The following ZBTB44 variants were observed in gnomAD, a reference collection of about 807,000 sequenced individuals.
ZBTB44 encodes the protein zinc finger and BTB domain containing 44.
In ZBTB44, 15 loss-of-function variants were observed where a neutral mutation model predicts 54.0. The observed-to-expected ratio is 0.28, with a 90% CI of 0.19 to 0.43. The LOEUF is 0.43. ZBTB44 is among the 20% of genes least tolerant of loss of function. ZBTB44 has a pLI of 1.00. For missense variants in ZBTB44, 487 were observed against 707.1 expected (o/e 0.69, Z 3.53); for synonymous variants, 230 against 250.1 (o/e 0.92, Z 0.76).
chr11:130,232,187 C>G (rs977352844), intron 7 of ZBTB44: 1 of 152,040 alleles, frequency 6.6e-6, no homozygotes, highest in African/African-American at 2.4e-5. Flanking sequence ...AAAAATGAAA[C>G]AAATCACTAT....
chr11:130,283,491 G>A (rs113095603), intron 1 of ZBTB44, among the ~76,000 whole-genome samples: 10 of 152,148 alleles, frequency 6.6e-5, no homozygotes, highest in Admixed American at 2.0e-4. Context: ...AAAGCAAAGC[G>A]CACCAGACTT....
intron 2 of ZBTB44, among the ~76,000 whole-genome samples, chr11:130,241,673 T>C (rs1954368824): frequency 6.6e-6 from 1 of 152,186 alleles, no homozygotes; most frequent in South Asian, 2.1e-4. Flanking sequence ...CCCTTTCTAA[T>C]GGCTTCTTCT....
In ZBTB44 at chr11:130,260,631, G is replaced by C. The variant is rs17605292; in HGVS notation, c.1018+225C>G. The stretch of plus-strand genomic sequence containing the variant: ...ACTGCTTTTTTGTGTATGTGTATCT[G>C]CCTTTGTCCCAGCAGATACCATTCA... On this transcript the variant is annotated intron_variant, in intron 2 of 7. Transcript: ENST00000357899. 2.9e-3 allele frequency among the ~76,000 whole-genome samples: 446 copies of C among 152,230 alleles called. 2 individuals are homozygous for C. The highest frequency in any genetic ancestry group is 5.0e-3 in the Non-Finnish European group (337 of 68,018).
chr11:130,249,278 C>T (rs1591951499), intron 2 of ZBTB44, among the ~76,000 whole-genome samples: 1 of 152,136 alleles, frequency 6.6e-6, no homozygotes, highest in East Asian at 1.9e-4. Context: ...GTAGGCAGTT[C>T]GTTACTCAGA....
chr11:130,270,986 C>T (rs74813505), intron 1 of ZBTB44, among the ~76,000 whole-genome samples: 3 of 151,942 alleles, frequency 2.0e-5, no homozygotes, highest in Non-Finnish European at 4.4e-5. Flanking sequence ...TGTACGGGGA[C>T]GAAGGGCAGA....
At chr11:130,307,581 A>G (rs906088897) in intron 1 of ZBTB44, among the ~76,000 whole-genome samples, 19 of 152,134 alleles carry the variant, frequency 1.2e-4, no homozygotes, top group African/African-American at 4.3e-4. Flanking sequence ...ACCTATGAGA[A>G]AGGAAAATGA....
intron 1 of ZBTB44, among the ~76,000 whole-genome samples, chr11:130,309,034 G>A (rs1942433685): frequency 6.6e-6 from 1 of 152,170 alleles, no homozygotes; most frequent in Non-Finnish European, 1.5e-5. Flanking sequence ...CTTATCACCA[G>A]ACTCTCAGCT....
chr11:130,293,917 T>C (rs1175797367), intron 1 of ZBTB44, among the ~76,000 whole-genome samples: 1 of 152,230 alleles, frequency 6.6e-6, no homozygotes, highest in Non-Finnish European at 1.5e-5. Context: ...TTTGAAAAAG[T>C]AATGGAGAGT....
rs758528872 is a variant in ZBTB44 at position 130,236,208 on chromosome 11, T to A, written c.1568+585A>T. ...GAGCTAGATCTAGAAGCTGATTTCC[T>A]GGGATGCCCTATAAATCAGAAAGGT... is the stretch of plus-strand genomic sequence containing the variant. On this transcript the variant is annotated intron_variant, in intron 5 of 7. Coordinates refer to ENST00000357899, the MANE Select transcript of ZBTB44 (RefSeq NM_001301098.2). The A allele has an allele frequency of 1.9e-5, 25 of 1,284,926 alleles. No individual in the cohort carries two copies. In the South Asian group the frequency reaches 3.1e-4, roughly 16 times the overall value. The allele number at this position is 1,284,926 out of a possible 1,614,324, so 79.6% of individuals were successfully genotyped here. A position where few individuals can be genotyped will look rare whatever the true frequency, so the allele number is the denominator to read the frequency against.
chr11:130,259,595 C>T lies in ZBTB44; in HGVS notation c.1018+1261G>A, dbSNP rs570342199. Among the ~76,000 whole-genome samples, 35 of 152,268 alleles carry T rather than the reference C, an allele frequency of 2.3e-4. 1 individual carries two copies. The South Asian group carries it at 7.3e-3, about 32-fold the overall frequency. Reference sequence around the variant, plus strand: ...TAGATTGGATAAAGAAAATGTGGCACATGTACACCATGAAATACTATGCAG... The same window carrying T: ...TAGATTGGATAAAGAAAATGTGGCATATGTACACCATGAAATACTATGCAG... On this transcript the variant is annotated intron_variant, in intron 2 of 7. Transcript: ENST00000357899.
chr11:130,303,544 A>G (rs892982872), intron 1 of ZBTB44, among the ~76,000 whole-genome samples: 3 of 152,186 alleles, frequency 2.0e-5, no homozygotes, highest in Non-Finnish European at 4.4e-5. Context: ...CTGAGGCAGG[A>G]AAATTGCTTG....
intron 2 of ZBTB44, among the ~76,000 whole-genome samples, chr11:130,258,812 G>A (rs990781100): frequency 1.2e-4 from 19 of 152,126 alleles, no homozygotes; most frequent in African/African-American, 4.3e-4. Context: ...ACAAAGTAAA[G>A]ATGGCAGTTT....
chr11:130,279,867 G>C (rs769154731), intron 1 of ZBTB44, among the ~76,000 whole-genome samples: 1 of 152,122 alleles, frequency 6.6e-6, no homozygotes. Context: ...AATTAAGTAA[G>C]CTGCATTCAG....
rs149628563 is a variant in ZBTB44, at chr11:130,297,985, A to G, written c.-57+16390T>C. Among the ~76,000 whole-genome samples the G allele has an allele frequency of 1.3e-3, 202 of 152,338 alleles. 1 individual carries two copies. Among genetic ancestry groups the G allele is most frequent in the African/African-American group, 4.6e-3 (191 of 41,572 alleles). ...ATGGAAGAACATATATCATGCAAAC[A>G]GTACGTACAAGAAAGCTGGAGTTGG... is the stretch of plus-strand genomic sequence containing the variant. On this transcript the variant is annotated intron_variant, in intron 1 of 7. Transcript: ENST00000357899.
chr11:130,251,589 G>A (rs61915091), intron 2 of ZBTB44, among the ~76,000 whole-genome samples: 55 of 151,882 alleles, frequency 3.6e-4, no homozygotes, highest in African/African-American at 8.4e-4. Flanking sequence ...GACTAACAGC[G>A]GATCTCTCTA....
intron 1 of ZBTB44, among the ~76,000 whole-genome samples, chr11:130,264,960 A>G (rs1422953534): frequency 2.0e-5 from 3 of 152,050 alleles, no homozygotes; most frequent in Admixed American, 1.3e-4. Context: ...TTTCATTATT[A>G]TTATATCTGT....
chr11:130,247,191 A>C (rs1209693069), intron 2 of ZBTB44, among the ~76,000 whole-genome samples: 1 of 152,170 alleles, frequency 6.6e-6, no homozygotes, highest in East Asian at 1.9e-4. Flanking sequence ...CATGGTGTAT[A>C]ATCTCCCTTG....
Position 130,260,479 on chromosome 11 carries a change from T to C in ZBTB44, c.1018+377A>G, listed in dbSNP as rs144410691. Reference sequence around the variant, plus strand: ...TTACTTTCATATCTGCTTCCCCAATTAGATGATTAACCTAATTGTCATTGC... The same window carrying C: ...TTACTTTCATATCTGCTTCCCCAATCAGATGATTAACCTAATTGTCATTGC... On this transcript the variant is annotated intron_variant, in intron 2 of 7. Coordinates refer to ENST00000357899, the MANE Select transcript of ZBTB44 (RefSeq NM_001301098.2). Among the ~76,000 whole-genome samples, 652 of 152,344 alleles carry C rather than the reference T, an allele frequency of 4.3e-3. 1 individual carries two copies. The highest frequency in any genetic ancestry group is 0.016 in the South Asian group (75 of 4,830).
At chr11:130,250,547 C>A (rs952743970) in intron 2 of ZBTB44, among the ~76,000 whole-genome samples, 1 of 152,102 alleles carries the variant, frequency 6.6e-6, no homozygotes, top group African/African-American at 2.4e-5. Flanking sequence ...GGCATCAGGC[C>A]GGTGCCCCTC....
Sources: gnomAD v4.1 joint callset for allele counts (sites outside exome capture counted in the v4.1 genomes callset) on GRCh38, gnomAD v4.1.1 for gene constraint, MANE v1.5 for transcripts, NCBI Gene and HGNC (gene_info 2026-07-23, HGNC 2026-07-21) for gene names.